Variants in MSI2 observed in about 807,000 individuals in gnomAD.
MSI2 encodes RNA-binding protein Musashi homolog 2.
Under a neutral mutation model 45.6 loss-of-function variants are expected in MSI2, and 17 were observed. The ratio of observed to expected loss-of-function variants is 0.37; its 90% CI spans 0.26 to 0.56. The LOEUF (loss-of-function observed/expected upper bound fraction) is 0.56. Ranked by LOEUF, MSI2 falls within the 20% of genes least tolerant of loss-of-function variation. The pLI is 0.77. For synonymous variants in MSI2, 156 were observed against 158.2 expected (o/e 0.99, Z 0.11); for missense variants, 293 against 444.2 (o/e 0.66, Z 3.06).
Position 57,552,779 on chromosome 17 carries a change from C to T in MSI2, c.454+23055C>T, listed in dbSNP as rs953410988. Among the ~76,000 whole-genome samples the T allele has an allele frequency of 6.6e-6, 1 of 152,194 alleles. No individual in the cohort carries two copies. Among genetic ancestry groups the T allele is most frequent in the Non-Finnish European group, 1.5e-5 (1 of 68,034 alleles). Reference sequence around the variant, plus strand: ...AGCTTTGATTCATGCTCTTAGTTTCCAGTTTTATATGTGCTTAAGCATTAT... The same window carrying T: ...AGCTTTGATTCATGCTCTTAGTTTCTAGTTTTATATGTGCTTAAGCATTAT... On this transcript the variant is annotated intron_variant, in intron 7 of 13. Coordinates refer to ENST00000284073, the MANE Select transcript of MSI2 (RefSeq NM_138962.4). This position sits in a 1 kb window ranked among gnomAD's most constrained non-coding sequence, Gnocchi z 4.3.
chr17:57,536,522 T>C (rs2086923733), intron 7 of MSI2, among the ~76,000 whole-genome samples: 1 of 152,234 alleles, frequency 6.6e-6, no homozygotes, highest in South Asian at 2.1e-4. Flanking sequence ...CTGTCTTCCC[T>C]GCTGGCATTT....
At chr17:57,304,459 A>G (rs1373641542) in intron 5 of MSI2, among the ~76,000 whole-genome samples, 4 of 142,298 alleles carry the variant, frequency 2.8e-5, no homozygotes, top group African/African-American at 5.2e-5. Context: ...GTCTCACTCT[A>G]TCTCCCAGGC....
chr17:57,528,712 G>C (rs1370062762), intron 6 of MSI2, among the ~76,000 whole-genome samples: 2 of 152,104 alleles, frequency 1.3e-5, no homozygotes, highest in Non-Finnish European at 2.9e-5. Context: ...GTTTGTGTTT[G>C]TGTCCTAATC....
At chr17:57,528,103 C>G (rs931736335) in intron 6 of MSI2, among the ~76,000 whole-genome samples, 1 of 150,728 alleles carries the variant, frequency 6.6e-6, no homozygotes, top group Non-Finnish European at 1.5e-5. Context: ...GTTTTACCCC[C>G]CCTACAGCCA....
At chr17:57,477,271 G>A (rs760379889) in intron 6 of MSI2, among the ~76,000 whole-genome samples, 11 of 151,584 alleles carry the variant, frequency 7.3e-5, no homozygotes, top group South Asian at 4.2e-4. Context: ...GGGCCCCACC[G>A]AAGGAATCTC....
intron 6 of MSI2, among the ~76,000 whole-genome samples, chr17:57,428,190 A>C (rs2084529771): frequency 6.6e-6 from 1 of 152,102 alleles, no homozygotes; most frequent in African/African-American, 2.4e-5. Context: ...CCATCTTTGG[A>C]GATTAGATGG....
chr17:57,295,631 G>A (rs571864574), intron 5 of MSI2, among the ~76,000 whole-genome samples: 1 of 152,176 alleles, frequency 6.6e-6, no homozygotes. Flanking sequence ...TTTAAACTCC[G>A]TTTTTCTTTG....
chr17:57,258,465 A>G, intron 4 of MSI2, 111 bp downstream of exon 4: 1 of 944,156 alleles, frequency 1.1e-6, no homozygotes, highest in Non-Finnish European at 1.7e-6. Context: ...AGAACTGGGT[A>G]GTTTTAAACT....
chr17:57,668,297 A>C (rs1912524767), intron 11 of MSI2, among the ~76,000 whole-genome samples: 1 of 152,160 alleles, frequency 6.6e-6, no homozygotes, highest in African/African-American at 2.4e-5. Context: ...TTTACCACTG[A>C]CATGTTATAT....
At chr17:57,593,615 T>C (rs1206125984) in intron 7 of MSI2, among the ~76,000 whole-genome samples, 1 of 146,016 alleles carries the variant, frequency 6.8e-6, no homozygotes, top group African/African-American at 2.5e-5. Flanking sequence ...TTAAATTACA[T>C]TTGCAAAAGC....
chr17:57,514,566 A>G (rs1294294942), intron 6 of MSI2, among the ~76,000 whole-genome samples: 1 of 152,206 alleles, frequency 6.6e-6, no homozygotes, highest in Non-Finnish European at 1.5e-5. Context: ...GAAATGAGAA[A>G]GATCTTTATC....
At chr17:57,693,383 T>G in the MSI2 span, among the ~76,000 whole-genome samples, 1 of 150,208 alleles carries the variant, frequency 6.7e-6, no homozygotes, top group African/African-American at 2.5e-5. Flanking sequence ...GATTTCACCA[T>G]GTTGGCCAGG....
intron 6 of MSI2, among the ~76,000 whole-genome samples, chr17:57,468,727 G>T (rs957391240): frequency 3.9e-5 from 6 of 152,040 alleles, no homozygotes; most frequent in African/African-American, 1.4e-4. Context: ...GGGGGATGCA[G>T]TCGGTGTGGT....
intron 10 of MSI2, chr17:57,633,118 T>C: frequency 4.9e-6 from 5 of 1,027,880 alleles, no homozygotes; most frequent in Non-Finnish European, 5.8e-6. Flanking sequence ...TGCTTCTCCC[T>C]GATGACGTTT....
At chr17:57,342,771 AT>A (rs2143797081) in intron 5 of MSI2, among the ~76,000 whole-genome samples, 1 of 152,318 alleles carries the variant, frequency 6.6e-6, no homozygotes, top group South Asian at 2.1e-4. Context: ...ATACTACTAC[AT>A]GAACTTCGAA....
rs61342598 is a variant in MSI2, at chr17:57,563,746, G to GCACACACACACACACA, written c.455-33099_455-33084dup. Among the ~76,000 whole-genome samples, 62 of 139,392 alleles carry GCACACACACACACACA rather than the reference G, an allele frequency of 4.4e-4. 2 individuals are homozygous for GCACACACACACACACA. In the East Asian group the frequency reaches 7.9e-3, roughly 18 times the overall value. The allele number at this position is 139,392 out of a possible 152,430, so 91.4% of individuals were successfully genotyped here. A position where few individuals can be genotyped will look rare whatever the true frequency, so the allele number is the denominator to read the frequency against. The stretch of plus-strand genomic sequence containing the variant: ...TTCCCTCTCACACACACACAGGCGC[G>GCACACACACACACACA]CACACACACACACACACACACACAC... On this transcript the variant is annotated intron_variant, in intron 7 of 13. Coordinates refer to ENST00000284073, the MANE Select transcript of MSI2 (RefSeq NM_138962.4).
intron 5 of MSI2, among the ~76,000 whole-genome samples, chr17:57,293,924 T>TA (rs3058089): frequency 1.3e-5 from 2 of 151,084 alleles, no homozygotes; most frequent in Non-Finnish European, 3.0e-5. Flanking sequence ...TTTTTTTTTT[T>TA]AAAGGAATAT....
intron 7 of MSI2, among the ~76,000 whole-genome samples, chr17:57,539,668 T>A (rs2086999985): frequency 2.4e-5 from 1 of 42,302 alleles, no homozygotes; most frequent in Non-Finnish European, 4.8e-5. Context: ...GATGGATAGA[T>A]GAGGATTTTC....
chr17:57,333,954 T>C lies in MSI2; in HGVS notation c.313-67425T>C, dbSNP rs1292179781. 5.3e-5 allele frequency among the ~76,000 whole-genome samples: 8 copies of C among 152,194 alleles called. No individual in the cohort carries two copies. The South Asian group carries it at 1.7e-3, about 32-fold the overall frequency. ...ATGAGGGCTTTACCCCAGTTTGTCA[T>C]CTTGGAAGATGACTTTGCTTCTCCA... On this transcript the variant is annotated intron_variant, in intron 5 of 13. Transcript: ENST00000284073.
Sources: gnomAD v4.1 joint callset for allele counts (sites outside exome capture counted in the v4.1 genomes callset) on GRCh38, gnomAD v4.1.1 for gene constraint, Gnocchi (gnomAD v3.1) non-coding constraint, MANE v1.5 for transcripts, NCBI Gene and HGNC (gene_info 2026-07-23, HGNC 2026-07-21) for gene names.